The following SMAP1 variants were observed in gnomAD, a reference collection of about 807,000 sequenced individuals.
SMAP1 encodes small ArfGAP 1, also known as stromal membrane-associated protein 1.
A neutral mutation model predicts 58.5 loss-of-function variants in SMAP1; 24 were observed. The observed-to-expected ratio is 0.41, with a 90% confidence interval of 0.30 to 0.58. SMAP1 has a LOEUF of 0.58. Among genes scored for constraint, SMAP1 ranks in the 20% least tolerant of loss-of-function variants. The pLI, the probability that SMAP1 is intolerant of heterozygous loss-of-function variation, is 0.29. For synonymous variants in SMAP1, 216 were observed against 196.6 expected (o/e 1.10, Z -0.82); for missense variants, 563 against 566.3 (o/e 0.99, Z 0.06).
chr6:70,854,289 G>C (rs1771307260), intron 8 of SMAP1, among the ~76,000 whole-genome samples: 1 of 152,190 alleles, frequency 6.6e-6, no homozygotes. Flanking sequence ...TTGGTGAACA[G>C]TAGTATCTTT....
intron 3 of SMAP1, 41 bp from the exon 4 acceptor site, chr6:70,773,309 A>G (rs1488639489): frequency 7.9e-7 from 1 of 1,264,498 alleles, no homozygotes. Context: ...AAGTGTACAT[A>G]TCACTGAATT....
chr6:70,728,135 T>G (rs1765266185), intron 1 of SMAP1, among the ~76,000 whole-genome samples: 1 of 152,180 alleles, frequency 6.6e-6, no homozygotes, highest in African/African-American at 2.4e-5. Flanking sequence ...ACATGAACTG[T>G]CCAGTATGGG....
chr6:70,853,995 C>T (rs1481632919), intron 8 of SMAP1, among the ~76,000 whole-genome samples: 1 of 152,178 alleles, frequency 6.6e-6, no homozygotes, highest in Non-Finnish European at 1.5e-5. Flanking sequence ...TTAGATCCCA[C>T]CTCTGAGGTT....
At chr6:70,729,541 G>A (rs1270005851) in intron 1 of SMAP1, among the ~76,000 whole-genome samples, 1 of 147,412 alleles carries the variant, frequency 6.8e-6, no homozygotes, top group South Asian at 2.2e-4. Context: ...ATTCTAAATC[G>A]CCTGCCAGAC....
At chr6:70,792,324 CTA>C (rs372550252) in intron 5 of SMAP1, among the ~76,000 whole-genome samples, 8 of 107,340 alleles carry the variant, frequency 7.5e-5, no homozygotes, top group Admixed American at 3.7e-4. Flanking sequence ...GACTCTTTAC[CTA>C]TTTTTTTTTT....
chr6:70,699,530 T>A (rs947957783), intron 1 of SMAP1, among the ~76,000 whole-genome samples: 1 of 149,412 alleles, frequency 6.7e-6, no homozygotes, highest in African/African-American at 2.5e-5. Context: ...CAGAAATGCC[T>A]GAGAACCAGG....
chr6:70,793,436 A>G (rs962528989), intron 5 of SMAP1, among the ~76,000 whole-genome samples: 4 of 152,102 alleles, frequency 2.6e-5, no homozygotes, highest in Non-Finnish European at 5.9e-5. Flanking sequence ...TCCAGTTTCT[A>G]TCTTGAACAT....
chr6:70,788,297 T>A (rs1399182691), intron 4 of SMAP1, among the ~76,000 whole-genome samples: 1 of 98,248 alleles, frequency 1.0e-5, no homozygotes, highest in Non-Finnish European at 1.9e-5. Flanking sequence ...CTGGGGACTG[T>A]TGTGGGGTGG....
At chr6:70,791,450 T>A (rs958696257) in intron 4 of SMAP1, among the ~76,000 whole-genome samples, 1 of 152,188 alleles carries the variant, frequency 6.6e-6, no homozygotes, top group African/African-American at 2.4e-5. Context: ...AAATTTTATA[T>A]CCTAGTAAAA....
At chr6:70,836,721 ATTCAC>A (rs1770602145) in intron 6 of SMAP1, among the ~76,000 whole-genome samples, 1 of 152,208 alleles carries the variant, frequency 6.6e-6, no homozygotes, top group African/African-American at 2.4e-5. Context: ...AAATTGTTTT[ATTCAC>A]TATTTTGGGG....
rs950207910 is a variant in SMAP1 at position 70,860,829 on chromosome 6, T to C, written c.*495T>C. The C allele has an allele frequency of 1.3e-5, 5 of 396,468 alleles. No individual in the cohort carries two copies. The highest frequency in any genetic ancestry group is 1.0e-4 in the African/African-American group (5 of 48,558). The allele number at this position is 396,468 out of a possible 1,614,324, so 24.6% of individuals were successfully genotyped here. On this transcript the variant is annotated 3_prime_UTR_variant, in exon 11 of 11. Coordinates refer to ENST00000370455, the MANE Select transcript of SMAP1 (RefSeq NM_001044305.3). The stretch of plus-strand genomic sequence containing the variant: ...AAAATGCTCTTATTTCATCATTCAC[T>C]TCACTGTGCTGTTGTTATGATGTGC...
chr6:70,797,436 A>G lies in SMAP1; in HGVS notation c.496-1221A>G, dbSNP rs1582207970. On this transcript the variant is annotated intron_variant, in intron 5 of 10. Coordinates refer to ENST00000370455, the MANE Select transcript of SMAP1 (RefSeq NM_001044305.3). ...AGCTCCTGTGTGACTCTGTTCCCAA[A>G]TAACCTCATCCCTTCTCCTTAAAGG... Among the ~76,000 whole-genome samples, 2 of 152,084 alleles carry G rather than the reference A, an allele frequency of 1.3e-5. 1 individual carries two copies. The highest frequency in any genetic ancestry group is 4.1e-4 in the South Asian group (2 of 4,830).
At chr6:70,759,817 G>A (rs1456330914) in intron 3 of SMAP1, 4 of 425,358 alleles carry the variant, frequency 9.4e-6, no homozygotes, top group African/African-American at 2.0e-5. Flanking sequence ...AATCCTTGAC[G>A]TTCGACACAG....
intron 2 of SMAP1, among the ~76,000 whole-genome samples, chr6:70,740,718 G>A (rs1190971042): frequency 6.6e-6 from 1 of 152,078 alleles, no homozygotes; most frequent in Admixed American, 6.5e-5. Flanking sequence ...GCTTATTGTG[G>A]CCCATTCACA....
chr6:70,855,904 A>G (rs1301668259), intron 8 of SMAP1, among the ~76,000 whole-genome samples: 1 of 152,258 alleles, frequency 6.6e-6, no homozygotes, highest in East Asian at 1.9e-4. Flanking sequence ...TTTGTCGCTT[A>G]CAATTCTTGC....
intron 1 of SMAP1, among the ~76,000 whole-genome samples, chr6:70,717,975 G>A (rs180978934): frequency 2.8e-4 from 43 of 152,184 alleles, no homozygotes; most frequent in African/African-American, 9.4e-4. Flanking sequence ...ATCACTTGCC[G>A]GTTTTCACAG....
Position 70,860,689 on chromosome 6 carries a change from A to G in SMAP1, c.*355A>G, listed in dbSNP as rs1771681090. On this transcript the variant is annotated 3_prime_UTR_variant, in exon 11 of 11. Transcript: ENST00000370455. Reference sequence around the variant, plus strand: ...TCATGTTAGTAATACCTCTAATAGTATAAACCCCACCCCAAAATTAGCCAG... The same window carrying G: ...TCATGTTAGTAATACCTCTAATAGTGTAAACCCCACCCCAAAATTAGCCAG... 1 of 404,014 alleles carries G rather than the reference A, an allele frequency of 2.5e-6. No individual in the cohort carries two copies. Among genetic ancestry groups the G allele is most frequent in the Non-Finnish European group, 4.4e-6 (1 of 228,948 alleles). The allele number at this position is 404,014 out of a possible 1,614,324, so 25.0% of individuals were successfully genotyped here.
intron 1 of SMAP1, among the ~76,000 whole-genome samples, chr6:70,721,220 C>T (rs1768511372): frequency 6.6e-6 from 1 of 152,162 alleles, no homozygotes; most frequent in Non-Finnish European, 1.5e-5. Flanking sequence ...GCCTTTAACA[C>T]AACCCAAATC....
intron 6 of SMAP1, among the ~76,000 whole-genome samples, chr6:70,832,745 A>G (rs1770414001): frequency 6.6e-6 from 1 of 152,194 alleles, no homozygotes; most frequent in South Asian, 2.1e-4. Flanking sequence ...TGTTTTTATA[A>G]CAAATTCACT....
Sources: gnomAD v4.1 joint callset for allele counts (sites outside exome capture counted in the v4.1 genomes callset) on GRCh38, gnomAD v4.1.1 for gene constraint, MANE v1.5 for transcripts, NCBI Gene and HGNC (gene_info 2026-07-23, HGNC 2026-07-21) for gene names.